The following MECOM variants were observed in gnomAD, a reference collection of about 807,000 sequenced individuals.
MECOM encodes the protein MDS1 and EVI1 complex locus.
Under a neutral mutation model 116.3 loss-of-function variants are expected in MECOM, and 13 were observed. That is an observed-to-expected ratio of 0.11 (90% confidence interval 0.07 to 0.18). The LOEUF (loss-of-function observed/expected upper bound fraction) is 0.18, where lower values mean the gene tolerates loss of function less well. Among genes scored for constraint, MECOM ranks in the 10% least tolerant of loss-of-function variants. The pLI is 1.00. For missense variants in MECOM, 1,299 were observed against 1,509.0 expected (o/e 0.86, Z 2.31); for synonymous variants, 528 against 535.2 (o/e 0.99, Z 0.19).
chr3:169,130,243 T>C (rs938976232), intron 4 of MECOM, among the ~76,000 whole-genome samples: 33 of 152,196 alleles, frequency 2.2e-4, no homozygotes, highest in African/African-American at 8.0e-4. Context: ...TTTTTAGGTC[T>C]AACATTTACA....
intron 1 of MECOM, among the ~76,000 whole-genome samples, chr3:169,399,919 T>C (rs1342522040): frequency 2.0e-5 from 3 of 152,190 alleles, no homozygotes; most frequent in Non-Finnish European, 4.4e-5. Context: ...GATCTGATTA[T>C]GAAATTCCAA....
chr3:169,400,928 A>C (rs1735790167), intron 1 of MECOM, among the ~76,000 whole-genome samples: 2 of 152,206 alleles, frequency 1.3e-5, no homozygotes, highest in Non-Finnish European at 2.9e-5. Context: ...AATCAAATGC[A>C]AGGTCAGGCT....
chr3:169,481,802 T>C (rs1578222583), intron 1 of MECOM, among the ~76,000 whole-genome samples: 1 of 152,158 alleles, frequency 6.6e-6, no homozygotes, highest in East Asian at 1.9e-4. Context: ...GGTGAGGTGT[T>C]AGCTTTTCAT....
At chr3:169,508,676 A>G (rs1755596287) in intron 1 of MECOM, among the ~76,000 whole-genome samples, 1 of 152,212 alleles carries the variant, frequency 6.6e-6, no homozygotes, top group African/African-American at 2.4e-5. Context: ...AGGCTATGCA[A>G]CTAGAAAAAT....
intron 1 of MECOM, among the ~76,000 whole-genome samples, chr3:169,563,807 T>C (rs1762929690): frequency 6.6e-6 from 1 of 152,308 alleles, no homozygotes. Flanking sequence ...TTCTCAAAAC[T>C]GTCCTCCTGT....
chr3:169,404,841 C>T (rs1205579868), intron 1 of MECOM, among the ~76,000 whole-genome samples: 1 of 152,160 alleles, frequency 6.6e-6, no homozygotes, highest in South Asian at 2.1e-4. Flanking sequence ...ATCGAGCCCC[C>T]AGAAGAAGCA....
At chr3:169,270,479 T>C (rs931404507) in intron 2 of MECOM, among the ~76,000 whole-genome samples, 1 of 152,050 alleles carries the variant, frequency 6.6e-6, no homozygotes, top group African/African-American at 2.4e-5. Context: ...ATATTTATGT[T>C]AAATATTAAA....
chr3:169,309,794 C>CT (rs60394045), intron 2 of MECOM, among the ~76,000 whole-genome samples: 30,010 of 152,164 alleles, frequency 0.2, 4,651 homozygotes, highest in East Asian at 0.46. Flanking sequence ...TACCACATGA[C>CT]AGCACTAAGG....
intron 1 of MECOM, chr3:169,477,105 G>GTGTATATATA (rs1216311292): frequency 3.4e-5 from 2 of 59,556 alleles, no homozygotes; most frequent in Non-Finnish European, 5.9e-5. Flanking sequence ...GTGTGTGTGT[G>GTGTATATATA]TATATATATA....
intron 1 of MECOM, among the ~76,000 whole-genome samples, chr3:169,541,342 T>C (rs959896477): frequency 1.3e-5 from 2 of 152,198 alleles, no homozygotes; most frequent in Non-Finnish European, 2.9e-5. Context: ...ATCTTTTCTA[T>C]CAAATATGCA....
rs756104873 is a variant in MECOM at position 169,281,201 on chromosome 3, C to T, written c.375+99986G>A. 5.3e-5 allele frequency among the ~76,000 whole-genome samples: 8 copies of T among 152,180 alleles called. No individual in the cohort carries two copies. In the East Asian group the frequency reaches 5.8e-4, roughly 11 times the overall value. ...CATCCCCACCCCAGAAATGCTGAAT[C>T]GGATTCTGCGTTTAATCAAGGACCT... On this transcript the variant is annotated intron_variant, in intron 2 of 16. Coordinates refer to ENST00000651503, the MANE Select transcript of MECOM (RefSeq NM_004991.4).
In MECOM at chr3:169,594,174, A is replaced by AAAAAAC. The variant is rs1255613781; in HGVS notation, c.37+69161_37+69162insGTTTTT. On this transcript the variant is annotated intron_variant, in intron 1 of 16. Coordinates refer to ENST00000651503, the MANE Select transcript of MECOM (RefSeq NM_004991.4). ...CACCACAAAAAAAAAAAAAAAAAAA[A>AAAAAAC]AACACCTTTTCACCTAAGTACCTCA... is the stretch of plus-strand genomic sequence containing the variant. Among the ~76,000 whole-genome samples the AAAAAAC allele has an allele frequency of 8.1e-4, 102 of 125,818 alleles. 1 individual carries two copies. The highest frequency in any genetic ancestry group is 9.0e-4 in the African/African-American group (28 of 31,082). The allele number at this position is 125,818 out of a possible 152,430, so 82.5% of individuals were successfully genotyped here.
At chr3:169,655,400 T>C (rs1253392931) in intron 1 of MECOM, among the ~76,000 whole-genome samples, 1 of 152,210 alleles carries the variant, frequency 6.6e-6, no homozygotes, top group East Asian at 1.9e-4. Flanking sequence ...GTAAAGTGAC[T>C]TACAAACTCA....
intron 10 of MECOM, among the ~76,000 whole-genome samples, chr3:169,105,096 C>A (rs933867543): frequency 6.6e-6 from 1 of 152,104 alleles, no homozygotes; most frequent in Admixed American, 6.6e-5. Context: ...CACATACACA[C>A]GTACACAAAA....
At chr3:169,235,393 G>A (rs917931655) in intron 2 of MECOM, among the ~76,000 whole-genome samples, 6 of 151,918 alleles carry the variant, frequency 3.9e-5, no homozygotes. Context: ...TTTGAAGAAT[G>A]GTCACTTTGT....
At chr3:169,619,726 C>G (rs537929853) in intron 1 of MECOM, among the ~76,000 whole-genome samples, 34 of 152,200 alleles carry the variant, frequency 2.2e-4, no homozygotes, top group East Asian at 5.8e-4. Flanking sequence ...TCTGAACAGC[C>G]CTACTCTCCC....
intron 1 of MECOM, among the ~76,000 whole-genome samples, chr3:169,636,975 C>T (rs1294245279): frequency 1.3e-5 from 2 of 152,176 alleles, no homozygotes; most frequent in East Asian, 3.8e-4. Context: ...TATTCGTGCC[C>T]TTGTGTAGTC....
At position 169,495,821 on chromosome 3, in the gene MECOM, C is replaced by T. The variant is rs1185385824; in HGVS notation, c.38-114297G>A. 2.0e-5 allele frequency among the ~76,000 whole-genome samples: 3 copies of T among 152,208 alleles called. No homozygotes were observed. In the East Asian group the frequency reaches 5.8e-4, roughly 29 times the overall value. On this transcript the variant is annotated intron_variant, in intron 1 of 16. Transcript: ENST00000651503. ...CACAGTGATGTTAATTGATGGCTGG[C>T]CGCTTACTAGCTGAAAACTTTCAGC...
At chr3:169,500,087 T>C (rs1462590135) in intron 1 of MECOM, among the ~76,000 whole-genome samples, 1 of 152,042 alleles carries the variant, frequency 6.6e-6, no homozygotes, top group African/African-American at 2.4e-5. Context: ...TAATGTTTAA[T>C]AATTTAACAG....
Sources: allele counts gnomAD v4.1 joint callset (sites outside exome capture counted in the v4.1 genomes callset), GRCh38; gene constraint gnomAD v4.1.1; transcripts MANE v1.5; gene names NCBI Gene and HGNC (gene_info 2026-07-23, HGNC 2026-07-21).